The following PLCB1 variants were observed in gnomAD, a reference collection of about 807,000 sequenced individuals.
PLCB1 encodes phospholipase C beta 1, also known as 1-phosphatidylinositol 4,5-bisphosphate phosphodiesterase beta-1.
A neutral mutation model predicts 161.8 loss-of-function variants in PLCB1; 46 were observed. The observed-to-expected ratio is 0.28, with a 90% CI of 0.22 to 0.36. The LOEUF is 0.36. Ranked by LOEUF, PLCB1 falls within the 10% of genes least tolerant of loss-of-function variation. PLCB1 has a pLI of 1.00. For missense variants in PLCB1, 1,016 were observed against 1,472.5 expected, an observed-to-expected ratio of 0.69 and a Z score of 5.07; for synonymous variants, 517 against 503.7, an observed-to-expected ratio of 1.03 and a Z score of -0.35.
chr20:8,576,936 C>T (rs1032715829), intron 3 of PLCB1, among the ~76,000 whole-genome samples: 1 of 151,844 alleles, frequency 6.6e-6, no homozygotes, highest in Non-Finnish European at 1.5e-5. Flanking sequence ...AGGGGCAAAC[C>T]GAGTGCATGG....
At chr20:8,197,946 G>T (rs1433276829) in intron 2 of PLCB1, among the ~76,000 whole-genome samples, 3 of 152,148 alleles carry the variant, frequency 2.0e-5, no homozygotes, top group Admixed American at 1.3e-4. Context: ...TTTTTGTCAG[G>T]TTTGTCAAAG....
chr20:8,604,297 T>C (rs975715682), intron 3 of PLCB1, among the ~76,000 whole-genome samples: 3 of 150,980 alleles, frequency 2.0e-5, no homozygotes, highest in African/African-American at 4.9e-5. Context: ...TGATATTTTA[T>C]GTTATGTAAA....
intron 4 of PLCB1, among the ~76,000 whole-genome samples, chr20:8,628,942 A>T (rs1259357966): frequency 6.6e-6 from 1 of 151,970 alleles, no homozygotes; most frequent in African/African-American, 2.4e-5. Context: ...CAAAAAAAAA[A>T]AATAAATAAA....
At position 8,716,255 on chromosome 20, in the gene PLCB1, C is replaced by G. The variant is rs200283729; in HGVS notation, c.1251-9C>G. On this transcript the variant is annotated splice_polypyrimidine_tract_variant and intron_variant, in intron 12 of 31. Coordinates refer to ENST00000338037, the MANE Select transcript of PLCB1 (RefSeq NM_015192.4). Reference sequence around the variant, plus strand: ...CTACTTTCCTTCTTCTGTTCTTGTTCTCCCTTAGCCCAAAGCAGCAAGCCA... The same window carrying G: ...CTACTTTCCTTCTTCTGTTCTTGTTGTCCCTTAGCCCAAAGCAGCAAGCCA... 1.2e-6 allele frequency: 2 copies of G among 1,611,472 alleles called. No homozygotes were observed. The highest frequency in any genetic ancestry group is 4.5e-5 in the East Asian group (2 of 44,836).
At chr20:8,475,832 A>T (rs954320868) in intron 3 of PLCB1, among the ~76,000 whole-genome samples, 2 of 152,240 alleles carry the variant, frequency 1.3e-5, no homozygotes, top group South Asian at 4.1e-4. Context: ...GATAACTGGT[A>T]AAGAGTATAT....
At position 8,541,592 on chromosome 20, in the gene PLCB1, G is replaced by T. The variant is rs137917943; in HGVS notation, c.247-86702G>T. ...AGAAAGAAAGAAAGAAAGAAAGAAA[G>T]AAAGAAAGAAAGAAAGGAAGGAAGA... On this transcript the variant is annotated intron_variant, in intron 3 of 31. Transcript: ENST00000338037. 2.7e-3 allele frequency among the ~76,000 whole-genome samples: 367 copies of T among 135,220 alleles called. 2 individuals are homozygous for T. Among genetic ancestry groups the T allele is most frequent in the Middle Eastern group, 8.1e-3 (2 of 246 alleles). 88.7% of individuals were successfully genotyped at this position (135,220 alleles called of 152,430 possible). A position where few individuals can be genotyped will look rare whatever the true frequency, so the allele number is the denominator to read the frequency against.
At chr20:8,451,281 C>T (rs1311828070) in intron 3 of PLCB1, among the ~76,000 whole-genome samples, 2 of 152,144 alleles carry the variant, frequency 1.3e-5, no homozygotes, top group East Asian at 1.9e-4. Flanking sequence ...TAACAATTTG[C>T]ATTTGGATAA....
At chr20:8,286,062 T>C (rs6055715) in intron 2 of PLCB1, among the ~76,000 whole-genome samples, 49,936 of 152,154 alleles carry the variant, frequency 0.33, 8,538 homozygotes, top group East Asian at 0.42. Flanking sequence ...CAGTGGCTCA[T>C]GCCTGTGATC....
intron 3 of PLCB1, among the ~76,000 whole-genome samples, chr20:8,402,468 CT>C (rs1432873894): frequency 1.3e-5 from 2 of 152,024 alleles, no homozygotes; most frequent in Non-Finnish European, 2.9e-5. Flanking sequence ...TTCTAACCAC[CT>C]TTTATTAAAT....
At chr20:8,657,061 G>A (rs1989480600) in intron 7 of PLCB1, 123 bp from the exon 8 acceptor site, 3 of 650,576 alleles carry the variant, frequency 4.6e-6, no homozygotes, top group Non-Finnish European at 2.8e-6. Context: ...AAAGAGAGAG[G>A]GAGAAGGTGA....
intron 31 of PLCB1, among the ~76,000 whole-genome samples, chr20:8,851,987 T>C (rs1355320176): frequency 7.9e-5 from 12 of 152,192 alleles, no homozygotes; most frequent in Admixed American, 7.2e-4. Context: ...ATTCACATAC[T>C]TTATAGCAAT....
chr20:8,576,431 TA>T, intron 3 of PLCB1, among the ~76,000 whole-genome samples: 1 of 151,566 alleles, frequency 6.6e-6, no homozygotes, highest in East Asian at 1.9e-4. Flanking sequence ...AAATATAGTT[TA>T]AGAATCTGTC....
intron 2 of PLCB1, among the ~76,000 whole-genome samples, chr20:8,338,891 G>C (rs1434443399): frequency 6.6e-6 from 1 of 152,126 alleles, no homozygotes; most frequent in East Asian, 1.9e-4. Flanking sequence ...CTTTCATTTA[G>C]GTGGAATCAC....
At chr20:8,522,128 ACT>A (rs1435344976) in intron 3 of PLCB1, among the ~76,000 whole-genome samples, 1 of 152,038 alleles carries the variant, frequency 6.6e-6, no homozygotes, top group Non-Finnish European at 1.5e-5. Context: ...GTATGCAAGG[ACT>A]CTCTAATCCT....
At chr20:8,592,765 A>T (rs1252420511) in intron 3 of PLCB1, among the ~76,000 whole-genome samples, 1 of 152,180 alleles carries the variant, frequency 6.6e-6, no homozygotes, top group Non-Finnish European at 1.5e-5. Flanking sequence ...CAGGATGCTC[A>T]ATTTGTATTT....
rs2146340692 is a variant in PLCB1, at chr20:8,884,173, T to C, written c.*2324T>C. On this transcript the variant is annotated 3_prime_UTR_variant, in exon 32 of 32. Transcript: ENST00000338037. ...ATTTTTATATCTGTACAATGACACTTTTTGCAGTTGTGGGGTAGTGTGTAA... is the reference window on the plus strand; with the variant it reads ...ATTTTTATATCTGTACAATGACACTCTTTGCAGTTGTGGGGTAGTGTGTAA... The C allele has an allele frequency of 6.5e-6, 1 of 152,700 alleles. No individual in the cohort carries two copies. The highest frequency in any genetic ancestry group is 6.5e-5 in the Admixed American group (1 of 15,290). 9.5% of individuals were successfully genotyped at this position (152,700 alleles called of 1,614,324 possible). A position where few individuals can be genotyped will look rare whatever the true frequency, so the allele number is the denominator to read the frequency against.
At chr20:8,674,986 T>A (rs936820183) in intron 9 of PLCB1, among the ~76,000 whole-genome samples, 1 of 152,192 alleles carries the variant, frequency 6.6e-6, no homozygotes, top group Admixed American at 6.5e-5. Context: ...CTTATTTTTT[T>A]TAGATTTGAT....
intron 2 of PLCB1, among the ~76,000 whole-genome samples, chr20:8,214,474 G>T (rs1452586033): frequency 1.3e-5 from 2 of 152,042 alleles, no homozygotes; most frequent in Non-Finnish European, 2.9e-5. Flanking sequence ...CCTTCCTGAG[G>T]CCTCCTCAGA....
chr20:8,170,255 G>A (rs1428187517), intron 2 of PLCB1, among the ~76,000 whole-genome samples: 1 of 152,066 alleles, frequency 6.6e-6, no homozygotes, highest in East Asian at 1.9e-4. Flanking sequence ...GGAGAAAATA[G>A]CAGGTATTTC....
Sources: allele counts gnomAD v4.1 joint callset (sites outside exome capture counted in the v4.1 genomes callset), GRCh38; gene constraint gnomAD v4.1.1; transcripts MANE v1.5; gene names NCBI Gene and HGNC (gene_info 2026-07-23, HGNC 2026-07-21).